Variants in IL1R1 observed in about 807,000 individuals in gnomAD.
The protein encoded by IL1R1 is interleukin 1 receptor type 1, also known as interleukin-1 receptor type 1.
Under a neutral mutation model 50.2 loss-of-function variants are expected in IL1R1, and 22 were observed. That is an observed-to-expected ratio of 0.44 (90% CI 0.31 to 0.63). IL1R1 has a LOEUF of 0.63. Ranked by LOEUF, IL1R1 falls within the 20% of genes least tolerant of loss-of-function variation. The pLI, the probability that IL1R1 is intolerant of heterozygous loss-of-function variation, is 0.07. For synonymous variants in IL1R1, 251 were observed against 236.7 expected (o/e 1.06, Z -0.55); for missense variants, 509 against 676.2 (o/e 0.75, Z 2.74).
chr2:102,174,874 G>A (rs1040848629), intron 10 of IL1R1, 144 bp downstream of exon 10: 9 of 605,700 alleles, frequency 1.5e-5, no homozygotes, highest in Non-Finnish European at 2.2e-5. Flanking sequence ...TTCTTACACA[G>A]AATTATAGTT....
intron 1 of IL1R1, among the ~76,000 whole-genome samples, chr2:102,089,494 G>A (rs1190035817): frequency 2.0e-5 from 3 of 152,110 alleles, no homozygotes; most frequent in Non-Finnish European, 4.4e-5. Context: ...AAATAGTGTG[G>A]GAATTACCAA....
intron 1 of IL1R1, among the ~76,000 whole-genome samples, chr2:102,106,351 G>A: frequency 6.6e-6 from 1 of 152,186 alleles, no homozygotes; most frequent in Middle Eastern, 3.2e-3. Flanking sequence ...AAAGAGCCAA[G>A]AAAACTTCTT....
chr2:102,103,050 C>T (rs1015309626), upstream of IL1R1, among the ~76,000 whole-genome samples: 1 of 152,142 alleles, frequency 6.6e-6, no homozygotes, highest in African/African-American at 2.4e-5. Flanking sequence ...GGGTACCATA[C>T]TTATTACCTA....
intron 1 of IL1R1, among the ~76,000 whole-genome samples, chr2:102,112,178 C>G (rs1410359788): frequency 1.3e-5 from 2 of 151,832 alleles, no homozygotes; most frequent in African/African-American, 4.8e-5. Flanking sequence ...TGGCTCTAAG[C>G]CCAGAGGTGC....
At chr2:102,083,728 G>A (rs1000515345) in intron 1 of IL1R1, among the ~76,000 whole-genome samples, 2 of 152,076 alleles carry the variant, frequency 1.3e-5, no homozygotes, top group South Asian at 2.1e-4. Context: ...GGTGGATCAC[G>A]AGGTCAGGAG....
chr2:102,109,221 T>A (rs771696319), intron 1 of IL1R1, among the ~76,000 whole-genome samples: 6 of 152,056 alleles, frequency 3.9e-5, no homozygotes, highest in Non-Finnish European at 7.4e-5. Context: ...TTGGAGACAA[T>A]GTCTCATGGT....
rs1428108579 is a variant in IL1R1 at position 102,177,396 on chromosome 2, C to T, written c.*637C>T. 1.3e-5 allele frequency: 2 copies of T among 155,748 alleles called. No individual in the cohort carries two copies. Among genetic ancestry groups the T allele is most frequent in the African/African-American group, 4.8e-5 (2 of 41,542 alleles). 9.6% of individuals were successfully genotyped at this position (155,748 alleles called of 1,614,324 possible). ...GATGGCTTAGTTAAGTCATCCACAG[C>T]CCAAGGGCGGGGCTATGCCTTGTCT... is the stretch of plus-strand genomic sequence containing the variant. On this transcript the variant is annotated 3_prime_UTR_variant, in exon 12 of 12. Coordinates refer to ENST00000410023, the MANE Select transcript of IL1R1 (RefSeq NM_000877.4).
intron 1 of IL1R1, among the ~76,000 whole-genome samples, chr2:102,108,672 A>T (rs1457048330): frequency 6.6e-6 from 1 of 152,162 alleles, no homozygotes; most frequent in African/African-American, 2.4e-5. Flanking sequence ...TTCTAGGGGC[A>T]ACTGGTTATT....
chr2:102,094,241 A>C (rs1233975822), intron 1 of IL1R1, among the ~76,000 whole-genome samples: 1 of 152,262 alleles, frequency 6.6e-6, no homozygotes, highest in African/African-American at 2.4e-5. Flanking sequence ...GAAATTGTGT[A>C]GTGAGGGATT....
intron 1 of IL1R1, among the ~76,000 whole-genome samples, chr2:102,116,234 T>C (rs183553874): frequency 1.3e-3 from 199 of 152,330 alleles, no homozygotes; most frequent in African/African-American, 4.6e-3. Flanking sequence ...TCAACCACCA[T>C]GCTGAGAAAA....
At chr2:102,082,074 C>A (rs1679232700) in intron 1 of IL1R1, among the ~76,000 whole-genome samples, 1 of 152,184 alleles carries the variant, frequency 6.6e-6, no homozygotes, top group Non-Finnish European at 1.5e-5. Context: ...TAACCTAACA[C>A]CTTGGCATTC....
chr2:102,091,507 T>G lies in IL1R1; in HGVS notation c.-84+20974T>G, dbSNP rs574928505. ...TCTTCTTTCTGAAAATTATACATACTATTTTATATATTTATGGGGTACATG... is the reference window on the plus strand; with the variant it reads ...TCTTCTTTCTGAAAATTATACATACGATTTTATATATTTATGGGGTACATG... On this transcript the variant is annotated intron_variant, in intron 1 of 11. Transcript: ENST00000409929. Among the ~76,000 whole-genome samples, 4 of 152,366 alleles carry G rather than the reference T, an allele frequency of 2.6e-5. 1 individual carries two copies. The highest frequency in any genetic ancestry group is 9.6e-5 in the African/African-American group (4 of 41,594).
Position 102,172,862 on chromosome 2 carries a change from G to A in IL1R1, c.991+24G>A, listed in dbSNP as rs201772880. The A allele has an allele frequency of 1.3e-4, 208 of 1,554,222 alleles. No individual in the cohort carries two copies. The African/African-American group carries it at 2.7e-3, about 20-fold the overall frequency. On this transcript the variant is annotated intron_variant, in intron 9 of 11. Coordinates refer to ENST00000410023, the MANE Select transcript of IL1R1 (RefSeq NM_000877.4). ...AGGTAAACAACAAACTAATTGAAAT[G>A]CAGTTTTGTTTTACTGTAGTAAGAT...
intron 1 of IL1R1, among the ~76,000 whole-genome samples, chr2:102,114,110 C>G (rs575044065): frequency 6.6e-6 from 1 of 152,314 alleles, no homozygotes; most frequent in South Asian, 2.1e-4. Context: ...TTCAGGCTCT[C>G]TTCTGCCACT....
At position 102,148,426 on chromosome 2, in the gene IL1R1, G is replaced by A. The variant is rs76697759; in HGVS notation, c.-84+5406G>A. The stretch of plus-strand genomic sequence containing the variant: ...ACATTTACTTAGGACAGTGCCTCTC[G>A]GATTTTACCTCCCAGGGATTCCTTC... On this transcript the variant is annotated intron_variant, in intron 1 of 11. Coordinates refer to ENST00000410023, the MANE Select transcript of IL1R1 (RefSeq NM_000877.4). 6.6e-3 allele frequency among the ~76,000 whole-genome samples: 1,012 copies of A among 152,242 alleles called. 3 individuals carry two copies. The highest frequency in any genetic ancestry group is 0.012 in the Non-Finnish European group (794 of 68,020).
chr2:102,085,839 T>G (rs1679408534), intron 1 of IL1R1, among the ~76,000 whole-genome samples: 1 of 152,198 alleles, frequency 6.6e-6, no homozygotes, highest in South Asian at 2.1e-4. Flanking sequence ...TTATTGAACA[T>G]GCTACATTGT....
At chr2:102,119,017 CAAAAAAAAAAA>C (rs56327525) in intron 1 of IL1R1, among the ~76,000 whole-genome samples, 2 of 74,518 alleles carry the variant, frequency 2.7e-5, no homozygotes, top group Non-Finnish European at 4.9e-5. Flanking sequence ...GACTGTGTCT[CAAAAAAAAAAA>C]AAAAAAAAAA....
At chr2:102,100,029 C>T (rs1313425037), upstream of IL1R1, among the ~76,000 whole-genome samples, 1 of 152,130 alleles carries the variant, frequency 6.6e-6, no homozygotes, top group Non-Finnish European at 1.5e-5. Flanking sequence ...CTGTTCTGCA[C>T]CTCCCAGCTC....
intron 1 of IL1R1, among the ~76,000 whole-genome samples, chr2:102,121,932 C>T (rs1024098321): frequency 3.9e-5 from 6 of 152,158 alleles, no homozygotes; most frequent in African/African-American, 1.4e-4. Flanking sequence ...TTCCTCACCT[C>T]AAGGTAATAG....
Sources: gnomAD v4.1 joint callset for allele counts (sites outside exome capture counted in the v4.1 genomes callset) on GRCh38, gnomAD v4.1.1 for gene constraint, MANE v1.5 for transcripts, NCBI Gene and HGNC (gene_info 2026-07-23, HGNC 2026-07-21) for gene names.